Variants in NBR1 observed in about 807,000 individuals in gnomAD.
NBR1 encodes the protein next to BRCA1 gene 1 protein.
NBR1 carries 59 observed loss-of-function variants against 115.5 expected under a neutral mutation model. The ratio of observed to expected loss-of-function variants is 0.51; its 90% CI spans 0.41 to 0.63. The LOEUF is 0.63. Among genes scored for constraint, NBR1 ranks in the 30% least tolerant of loss-of-function variants. NBR1 has a pLI of 0.00. For missense variants in NBR1, 1,043 were observed against 1,150.5 expected, an observed-to-expected ratio of 0.91 and a Z score of 1.35; for synonymous variants, 373 against 414.7, an observed-to-expected ratio of 0.90 and a Z score of 1.22.
chr17:43,180,353 A>G (rs1158509149), intron 4 of NBR1, among the ~76,000 whole-genome samples: 1 of 152,234 alleles, frequency 6.6e-6, no homozygotes, highest in African/African-American at 2.4e-5. Context: ...TGTGCTGTAT[A>G]CTATAGACAG....
At chr17:43,186,131 A>C in intron 5 of NBR1, 119 bp from the exon 6 acceptor site, 12 of 823,288 alleles carry the variant, frequency 1.5e-5, no homozygotes, top group Non-Finnish European at 2.2e-5. Context: ...TAAAGCAAAC[A>C]CAAATCCTAG....
rs772385352 is a variant in NBR1 at position 43,193,019 on chromosome 17, T to C, written c.1074-75T>C. ...ACATTTTCAAGAGTCACAGTCAGAC[T>C]CTCAAGCTAGTGTGAGGTATTCAGA... On this transcript the variant is annotated intron_variant, in intron 10 of 20. Transcript: ENST00000590996. 61 of 1,457,552 alleles carry C rather than the reference T, an allele frequency of 4.2e-5. No individual in the cohort carries two copies. In the Admixed American group the frequency reaches 4.4e-4, roughly 10 times the overall value. The allele number at this position is 1,457,552 out of a possible 1,614,324, so 90.3% of individuals were successfully genotyped here.
Position 43,210,312 on chromosome 17 carries a change from G to C in NBR1, c.*238G>C. On this transcript the variant is annotated 3_prime_UTR_variant, in exon 21 of 21. Coordinates refer to ENST00000590996, the MANE Select transcript of NBR1 (RefSeq NM_005899.5). ...ATGAAGACAGTTTTTCAGTTGATTTGGATAAAACTATTTTAGTGCATTGAC... is the reference window on the plus strand; with the variant it reads ...ATGAAGACAGTTTTTCAGTTGATTTCGATAAAACTATTTTAGTGCATTGAC... 1 of 395,452 alleles carries C rather than the reference G, an allele frequency of 2.5e-6. No homozygotes were observed. Among genetic ancestry groups the C allele is most frequent in the Non-Finnish European group, 4.4e-6 (1 of 225,250 alleles). The allele number at this position is 395,452 out of a possible 1,614,324, so 24.5% of individuals were successfully genotyped here.
chr17:43,187,250 G>A (rs184634775), intron 6 of NBR1, among the ~76,000 whole-genome samples: 61 of 152,058 alleles, frequency 4.0e-4, no homozygotes, highest in Non-Finnish European at 6.6e-4. Flanking sequence ...GCGCGATCTC[G>A]GCTTATTGCA....
At position 43,193,126 on chromosome 17, in the gene NBR1, C is replaced by T. The variant is rs370111642; in HGVS notation, c.1106C>T (p.Pro369Leu). The T allele has an allele frequency of 6.2e-7, 1 of 1,613,916 alleles. No homozygotes were observed. Among genetic ancestry groups the T allele is most frequent in the Non-Finnish European group, 8.5e-7 (1 of 1,179,878 alleles). ...LPLQPCTSVM[P>L]MLSAAFVDEN... is the part of the protein sequence containing the mutation. ...TTGCAGCCCTGTACCTCCGTTATGC[C>T]AATGCTCAGTGCAGCATTTGTGGAT... The change falls in exon 11 of 21, where the codon CCA becomes CTA. Residue 369 changes from proline to leucine, a missense_variant. Pro to Leu is a moderately conservative substitution (Grantham distance 98). Coordinates refer to ENST00000590996, the MANE Select transcript of NBR1 (RefSeq NM_005899.5).
chr17:43,200,922 G>A (rs915902069), intron 17 of NBR1, among the ~76,000 whole-genome samples: 3 of 144,752 alleles, frequency 2.1e-5, no homozygotes, highest in Admixed American at 7.1e-5. Context: ...AGGCTGGAGT[G>A]CAGTGGCACA....
intron 1 of NBR1, among the ~76,000 whole-genome samples, chr17:43,174,173 T>C (rs2056447554): frequency 6.6e-6 from 1 of 152,084 alleles, no homozygotes. Context: ...GAAAGGGTAT[T>C]GCTGTAAACC....
chr17:43,194,971 T>C lies in NBR1; in HGVS notation c.1682T>C (p.Leu561Pro), dbSNP rs767339006. The C allele has an allele frequency of 6.2e-7, 1 of 1,613,566 alleles. No individual in the cohort carries two copies. The highest frequency in any genetic ancestry group is 1.1e-5 in the South Asian group (1 of 91,024). Reference protein sequence around the residue: ...SVDLLTAQDLLSFELLDINIV... With the variant: ...SVDLLTAQDLPSFELLDINIV... ...CATTGTCTTTTTTTATAGGACCTGC[T>C]GTCCTTTGAGCTGTTGGATATAAAC... is the stretch of plus-strand genomic sequence containing the variant. The change falls in exon 14 of 21, where the codon CTG becomes CCG. Residue 561 changes from leucine to proline, a missense_variant. Physicochemically the swap from Leu to Pro is moderately conservative, Grantham distance 98. Transcript: ENST00000590996.
chr17:43,198,701 C>T (rs940419987), intron 16 of NBR1, among the ~76,000 whole-genome samples: 1 of 151,480 alleles, frequency 6.6e-6, no homozygotes, highest in East Asian at 1.9e-4. Flanking sequence ...GTGGCTCATA[C>T]CTGTAATCCC....
chr17:43,190,139 G>T, intron 8 of NBR1: 1 of 305,886 alleles, frequency 3.3e-6, no homozygotes, highest in South Asian at 3.5e-5. Context: ...ACCCAGGCTG[G>T]AGTGCAGGGT....
At chr17:43,202,562 T>A (rs866521878) in intron 18 of NBR1, 93 bp from the exon 19 acceptor site, 10 of 819,054 alleles carry the variant, frequency 1.2e-5, no homozygotes, top group Middle Eastern at 4.9e-4. Context: ...TGTGATCAGA[T>A]TGCCACCTGC....
intron 10 of NBR1, among the ~76,000 whole-genome samples, chr17:43,192,843 T>A (rs1003332598): frequency 6.6e-6 from 1 of 152,236 alleles, no homozygotes; most frequent in Admixed American, 6.5e-5. Flanking sequence ...TAGGCCCTTT[T>A]AATTACTCTT....
intron 2 of NBR1, 157 bp downstream of exon 2, chr17:43,176,058 C>T: frequency 1.9e-6 from 1 of 534,566 alleles, no homozygotes; most frequent in Non-Finnish European, 3.4e-6. Flanking sequence ...TTTCAGTATT[C>T]ATATATGAGA....
intron 16 of NBR1, among the ~76,000 whole-genome samples, chr17:43,199,549 G>A (rs1463223062): frequency 6.6e-6 from 1 of 151,802 alleles, no homozygotes; most frequent in African/African-American, 2.4e-5. Context: ...TAATTTTTTT[G>A]TATTTTTAGT....
chr17:43,200,066 T>C, intron 16 of NBR1, 101 bp from the exon 17 acceptor site: 1 of 968,456 alleles, frequency 1.0e-6, no homozygotes, highest in South Asian at 1.7e-5. Flanking sequence ...CCTCTGGCTT[T>C]CATAATTCTA....
In NBR1 at chr17:43,191,419, G is replaced by A. The variant is rs745769330; in HGVS notation, c.911G>A (p.Arg304Lys). ...AACTTTCTTAAAGCAGAAAAGCAAA[G>A]GTTGCGAGCTGAGAAGAAACAACGT... ...DKNFLKAEKQ[R>K]LRAEKKQRKA... The change falls in exon 10 of 21, where the codon AGG becomes AAG. Residue 304 changes from arginine (R) to lysine (K), a missense_variant. Coordinates refer to ENST00000590996, the MANE Select transcript of NBR1 (RefSeq NM_005899.5). 6.2e-7 allele frequency: 1 copy of A among 1,613,576 alleles called. No homozygotes were observed. Among genetic ancestry groups the A allele is most frequent in the Non-Finnish European group, 8.5e-7 (1 of 1,179,728 alleles).
intron 9 of NBR1, 81 bp downstream of exon 9, chr17:43,190,857 GATAGTC>G (rs1413079214): frequency 9.6e-6 from 13 of 1,359,470 alleles, no homozygotes; most frequent in Non-Finnish European, 1.2e-5. Flanking sequence ...CAAAACTACA[GATAGTC>G]TCCTTAGTTC....
chr17:43,182,899 G>A (rs960297092), intron 5 of NBR1, among the ~76,000 whole-genome samples: 1 of 151,666 alleles, frequency 6.6e-6, no homozygotes, highest in African/African-American at 2.4e-5. Flanking sequence ...TAATAGCTGG[G>A]ATTACAGGTG....
chr17:43,193,251 A>G lies in NBR1; in HGVS notation c.1231A>G (p.Lys411Glu). The change falls in exon 11 of 21, where the codon AAG becomes GAG. Residue 411 changes from lysine (K) to glutamate (E), a missense_variant and splice_region_variant. Physicochemically the swap from Lys to Glu is moderately conservative, Grantham distance 56 (BLOSUM62 1). Coordinates refer to ENST00000590996, the MANE Select transcript of NBR1 (RefSeq NM_005899.5). ...TGNVKWSADT[K>E]LKFMWGNLTL... ...AAATGTAAAGTGGAGTGCAGACACA[A>G]AGGTAATTTTTCCCACAAAATGCAA... 6.2e-7 allele frequency: 1 copy of G among 1,613,944 alleles called. No homozygotes were observed. The highest frequency in any genetic ancestry group is 1.1e-5 in the South Asian group (1 of 91,078).
Sources: gnomAD v4.1 joint callset for allele counts (sites outside exome capture counted in the v4.1 genomes callset) on GRCh38, gnomAD v4.1.1 for gene constraint, MANE v1.5 for transcripts, NCBI Gene and HGNC (gene_info 2026-07-23, HGNC 2026-07-21) for gene names.